The following TBC1D2 variants were observed in gnomAD, a reference collection of about 807,000 sequenced individuals.
TBC1D2 encodes the protein TBC1 domain family member 2.
Under a neutral mutation model 91.1 loss-of-function variants are expected in TBC1D2, and 58 were observed. The ratio of observed to expected loss-of-function variants is 0.64; its 90% CI spans 0.52 to 0.79. The LOEUF is 0.79. TBC1D2 is among the 30% of genes least tolerant of loss of function. The pLI, the probability that TBC1D2 is intolerant of heterozygous loss-of-function variation, is 0.00. For synonymous variants in TBC1D2, 482 were observed against 511.5 expected (o/e 0.94, Z 0.78); for missense variants, 1,080 against 1,208.3 (o/e 0.89, Z 1.57).
At chr9:98,218,351 G>A (rs1007369131) in intron 6 of TBC1D2, among the ~76,000 whole-genome samples, 13 of 151,908 alleles carry the variant, frequency 8.6e-5, no homozygotes, top group Non-Finnish European at 1.8e-4. Context: ...CAGATCACGC[G>A]GTCAGGAGAT....
At chr9:98,232,226 T>G (rs1025375713) in intron 4 of TBC1D2, among the ~76,000 whole-genome samples, 3 of 152,068 alleles carry the variant, frequency 2.0e-5, no homozygotes, top group Admixed American at 6.6e-5. Context: ...ATGATGATGG[T>G]GACTCATCCG....
chr9:98,210,533 T>A, intron 8 of TBC1D2, 123 bp downstream of exon 8: 1 of 945,374 alleles, frequency 1.1e-6, no homozygotes, highest in Non-Finnish European at 1.5e-6. Context: ...CTAATGCATG[T>A]GAAGATCAGA....
At chr9:98,241,798 C>T (rs1481497256) in intron 3 of TBC1D2, among the ~76,000 whole-genome samples, 1 of 152,144 alleles carries the variant, frequency 6.6e-6, no homozygotes, top group African/African-American at 2.4e-5. Flanking sequence ...GTGCCCTCCA[C>T]ATCCACTCAC....
intron 5 of TBC1D2, among the ~76,000 whole-genome samples, chr9:98,222,038 T>C (rs1829113721): frequency 6.6e-6 from 1 of 152,206 alleles, no homozygotes; most frequent in African/African-American, 2.4e-5. Context: ...GGAGATGTTT[T>C]TGTCACAGCA....
chr9:98,201,334 T>C (rs1045811916), intron 11 of TBC1D2, 145 bp downstream of exon 11: 1 of 708,968 alleles, frequency 1.4e-6, no homozygotes, highest in Non-Finnish European at 2.3e-6. Context: ...GCAAAGCATT[T>C]TGCAGTTGAC....
chr9:98,244,630 G>A (rs538633553), intron 2 of TBC1D2, among the ~76,000 whole-genome samples: 2 of 129,774 alleles, frequency 1.5e-5, no homozygotes, highest in South Asian at 2.5e-4. Context: ...TTGCACTCCA[G>A]CCTGGGCAAC....
rs777046207 is a variant in TBC1D2 at position 98,251,792 on chromosome 9, G to A, written c.504C>T (p.Leu168=). 2 of 1,583,008 alleles carry A rather than the reference G, an allele frequency of 1.3e-6. No homozygotes were observed. Among genetic ancestry groups the A allele is most frequent in the South Asian group, 1.1e-5 (1 of 88,020 alleles). The change falls in exon 2 of 13, where the codon CTC becomes CTT. Residue 168 remains leucine, a synonymous_variant. Transcript: ENST00000465784. ...ALAGNGPVLH[L]ELGQEEAELE... is the part of the protein sequence containing the mutation. ...GGGTAGCCCATTGGGTACCTAGCTCGAGGTGCAGGACGGGCCCATTCCCAG... is the reference window on the plus strand; with the variant it reads ...GGGTAGCCCATTGGGTACCTAGCTCAAGGTGCAGGACGGGCCCATTCCCAG...
At chr9:98,247,054 G>T (rs546870996) in intron 2 of TBC1D2, among the ~76,000 whole-genome samples, 1 of 151,754 alleles carries the variant, frequency 6.6e-6, no homozygotes, top group African/African-American at 2.4e-5. Flanking sequence ...AGGGCCGGGC[G>T]CAGTGGCTCA....
At chr9:98,203,441 A>C in intron 9 of TBC1D2, 33 bp from the exon 10 acceptor site, 1 of 1,611,250 alleles carries the variant, frequency 6.2e-7, no homozygotes, top group Non-Finnish European at 8.5e-7. Context: ...GAGTGATTAC[A>C]GAAGCCGTGG....
At chr9:98,206,704 TCAG>T (rs377371238) in intron 9 of TBC1D2, among the ~76,000 whole-genome samples, 15 of 152,254 alleles carry the variant, frequency 9.9e-5, no homozygotes, top group African/African-American at 3.6e-4. Flanking sequence ...GTTGGCTGGG[TCAG>T]CATTTGTGGT....
chr9:98,252,575 A>G (rs773408870), intron 1 of TBC1D2, among the ~76,000 whole-genome samples: 9 of 152,166 alleles, frequency 5.9e-5, no homozygotes, highest in Non-Finnish European at 1.3e-4. Context: ...CACATCCAAT[A>G]ACTCCTGGAT....
chr9:98,252,156 G>A (rs1829887028), intron 1 of TBC1D2, among the ~76,000 whole-genome samples: 1 of 152,134 alleles, frequency 6.6e-6, no homozygotes. Context: ...TCTGTACTCT[G>A]GTGACAATAA....
At chr9:98,237,680 T>C (rs959539261) in intron 3 of TBC1D2, among the ~76,000 whole-genome samples, 2 of 151,184 alleles carry the variant, frequency 1.3e-5, no homozygotes, top group African/African-American at 4.9e-5. Context: ...CTAATTTTTT[T>C]TGTATTTTTA....
chr9:98,220,336 G>T (rs1455576597), intron 6 of TBC1D2, among the ~76,000 whole-genome samples: 1 of 152,206 alleles, frequency 6.6e-6, no homozygotes, highest in Non-Finnish European at 1.5e-5. Context: ...CCCACCGAGG[G>T]CAGTGCCTGG....
Position 98,199,410 on chromosome 9 carries a change from T to C in TBC1D2, c.2758A>G (p.Ser920Gly), listed in dbSNP as rs1187224369. 6.2e-7 allele frequency: 1 copy of C among 1,613,512 alleles called. No homozygotes were observed. The highest frequency in any genetic ancestry group is 1.3e-5 in the African/African-American group (1 of 74,902). ...RRRAVSEGCA[S>G]EDEVEGEA ...GCTTCCCCCTCCACCTCGTCCTCGC[T>C]GGCACAGCCCTCGGACACAGCTCTG... The change falls in exon 13 of 13, where the codon AGC becomes GGC. Residue 920 changes from serine to glycine, a missense_variant. Transcript: ENST00000465784.
intron 6 of TBC1D2, among the ~76,000 whole-genome samples, chr9:98,218,424 G>A (rs918924133): frequency 6.6e-5 from 10 of 151,780 alleles, no homozygotes; most frequent in South Asian, 2.1e-4. Context: ...AAAATTAGCC[G>A]GGCATGGTGG....
chr9:98,210,584 C>T lies in TBC1D2; in HGVS notation c.1673+72G>A, dbSNP rs1428599027. The T allele has an allele frequency of 2.0e-5, 29 of 1,429,374 alleles. No individual in the cohort carries two copies. In the Admixed American group the frequency reaches 7.2e-4, roughly 36 times the overall value. 88.5% of individuals were successfully genotyped at this position (1,429,374 alleles called of 1,614,324 possible). A position where few individuals can be genotyped will look rare whatever the true frequency, so the allele number is the denominator to read the frequency against. On this transcript the variant is annotated intron_variant, in intron 8 of 12. Coordinates refer to ENST00000465784, the MANE Select transcript of TBC1D2 (RefSeq NM_001267571.2). ...TAGGACTTGTACATGGTTGGCAGGACCTGGCAGCAAGGCAGCTGGGGAGGA... is the reference window on the plus strand; with the variant it reads ...TAGGACTTGTACATGGTTGGCAGGATCTGGCAGCAAGGCAGCTGGGGAGGA...
At chr9:98,229,685 T>G (rs546172810) in intron 4 of TBC1D2, among the ~76,000 whole-genome samples, 1 of 152,368 alleles carries the variant, frequency 6.6e-6, no homozygotes, top group African/African-American at 2.4e-5. Context: ...ATTCTTCTTA[T>G]TCCAAGCTAA....
intron 4 of TBC1D2, among the ~76,000 whole-genome samples, chr9:98,230,788 C>T (rs533146637): frequency 1.3e-5 from 2 of 152,100 alleles, no homozygotes; most frequent in Non-Finnish European, 2.9e-5. Flanking sequence ...AAAAATTAGC[C>T]AGAAATCACT....
Sources: gnomAD v4.1 joint callset for allele counts (sites outside exome capture counted in the v4.1 genomes callset) on GRCh38, gnomAD v4.1.1 for gene constraint, MANE v1.5 for transcripts, NCBI Gene and HGNC (gene_info 2026-07-23, HGNC 2026-07-21) for gene names.